WWP2: variants seen among roughly 807,000 people sequenced by gnomAD.
WWP2 encodes NEDD4-like E3 ubiquitin-protein ligase WWP2.
Under a neutral mutation model 121.0 loss-of-function variants are expected in WWP2, and 57 were observed. That is an observed-to-expected ratio of 0.47 (90% CI 0.38 to 0.59). The LOEUF is 0.59. Among genes scored for constraint, WWP2 ranks in the 20% least tolerant of loss-of-function variants. The probability of loss-of-function intolerance (pLI) is 0.00; values close to 1 mark genes in which losing one functional copy is unlikely to be tolerated. For missense variants in WWP2, 962 were observed against 1,158.9 expected, an observed-to-expected ratio of 0.83 and a Z score of 2.47; for synonymous variants, 449 against 441.3, an observed-to-expected ratio of 1.02 and a Z score of -0.22.
chr16:69,779,280 T>C (rs2151782225), intron 1 of WWP2, among the ~76,000 whole-genome samples: 1 of 151,762 alleles, frequency 6.6e-6, no homozygotes, highest in East Asian at 2.0e-4. Flanking sequence ...TATGCATCAA[T>C]TGGAAAGGTT....
chr16:69,885,145 T>A, intron 7 of WWP2, among the ~76,000 whole-genome samples: 1 of 120,388 alleles, frequency 8.3e-6, no homozygotes, highest in Admixed American at 8.3e-5. Context: ...ACACACATTC[T>A]TCTTCTTTAG....
intron 4 of WWP2, among the ~76,000 whole-genome samples, chr16:69,832,549 T>C (rs2056812566): frequency 2.0e-5 from 3 of 152,196 alleles, no homozygotes; most frequent in Admixed American, 2.0e-4. Context: ...AAAAAATTTT[T>C]AATGTTTTTT....
At chr16:69,908,905 C>T in intron 9 of WWP2, 55 bp downstream of exon 9, 1 of 1,612,124 alleles carries the variant, frequency 6.2e-7, no homozygotes, top group Non-Finnish European at 8.5e-7. Context: ...ATGAGTCACC[C>T]AATGGCTTCT....
chr16:69,831,357 C>T (rs1033781806), intron 4 of WWP2, among the ~76,000 whole-genome samples: 15 of 152,104 alleles, frequency 9.9e-5, no homozygotes, highest in Non-Finnish European at 2.1e-4. Context: ...AAAGTTCTTT[C>T]GTACATTTGC....
At chr16:69,900,714 G>T (rs1049241144) in intron 8 of WWP2, among the ~76,000 whole-genome samples, 1 of 152,174 alleles carries the variant, frequency 6.6e-6, no homozygotes, top group African/African-American at 2.4e-5. Context: ...AGTAGAGACG[G>T]GGTTTCACCA....
rs1171715711 is a variant in WWP2 at position 69,863,633 on chromosome 16, T to A, written c.576-8171T>A. Among the ~76,000 whole-genome samples, 3 of 152,034 alleles carry A rather than the reference T, an allele frequency of 2.0e-5. No homozygotes were observed. The East Asian group carries it at 5.8e-4, about 29-fold the overall frequency. On this transcript the variant is annotated intron_variant, in intron 6 of 23. Coordinates refer to ENST00000359154, the MANE Select transcript of WWP2 (RefSeq NM_001270454.2). ...TCCAGCCTGGGTGAAAGAGTGAAAC[T>A]CCGTCTCAAAAACAAACAAAGAAAC...
At chr16:69,861,615 C>G (rs900260443) in intron 6 of WWP2, among the ~76,000 whole-genome samples, 2 of 149,700 alleles carry the variant, frequency 1.3e-5, no homozygotes, top group South Asian at 2.1e-4. Context: ...GTGCCTTTCC[C>G]GGTTCACTTC....
intron 2 of WWP2, among the ~76,000 whole-genome samples, chr16:69,794,948 C>G (rs1252199211): frequency 6.6e-6 from 1 of 152,130 alleles, no homozygotes; most frequent in Non-Finnish European, 1.5e-5. Flanking sequence ...TGGGCAGTAG[C>G]TCATGTTTGT....
chr16:69,840,696 A>G (rs1187424770), intron 5 of WWP2, among the ~76,000 whole-genome samples: 1 of 152,202 alleles, frequency 6.6e-6, no homozygotes, highest in Non-Finnish European at 1.5e-5. Flanking sequence ...CAGACAGAGC[A>G]GGGAATTTGG....
intron 2 of WWP2, among the ~76,000 whole-genome samples, chr16:69,797,262 A>G (rs74029466): frequency 0.063 from 9,643 of 152,276 alleles, 995 homozygotes; most frequent in African/African-American, 0.22. Flanking sequence ...AGAAATGTAG[A>G]TGACTAACGA....
At chr16:69,798,945 G>A (rs1393074317) in intron 3 of WWP2, 116 bp downstream of exon 3, 1 of 1,457,226 alleles carries the variant, frequency 6.9e-7, no homozygotes, top group African/African-American at 1.4e-5. Flanking sequence ...TTCTACCTAT[G>A]GTACCCAAGG....
rs2058856406 is a variant in WWP2, at chr16:69,939,896, C to T, written c.2569C>T (p.Leu857=). 1 of 1,614,010 alleles carries T rather than the reference C, an allele frequency of 6.2e-7. No homozygotes were observed. The highest frequency in any genetic ancestry group is 8.5e-7 in the Non-Finnish European group (1 of 1,179,938). Residue 857 remains leucine (L), a synonymous_variant, in exon 24 of 24, where the codon CTG becomes TTG. Transcript: ENST00000359154. ...GAGCTACGAACAGCTGAGAGAGAAG[C>T]TGCTGTATGCCATTGAGGAGACCGA... ...YKSYEQLREK[L]LYAIEETEGF...
At position 69,939,879 on chromosome 16, in the gene WWP2, A is replaced by C; in HGVS notation, c.2552A>C (p.Glu851Ala). 1 of 1,614,010 alleles carries C rather than the reference A, an allele frequency of 6.2e-7. No individual in the cohort carries two copies. Among genetic ancestry groups the C allele is most frequent in the South Asian group, 1.1e-5 (1 of 91,070 alleles). Residue 851 changes from glutamate (E) to alanine (A), a missense_variant, in exon 24 of 24, where the codon GAA (glutamate) becomes GCA (alanine). Physicochemically the swap from Glu to Ala is moderately radical, Grantham distance 107. This residue lies in a region of WWP2 where 606 missense variants were observed against 772.6 expected (regional missense o/e 0.78). Coordinates refer to ENST00000359154, the MANE Select transcript of WWP2 (RefSeq NM_001270454.2). ...RLDLPPYKSY[E>A]QLREKLLYAI... Reference sequence around the variant, plus strand: ...GATCTTCCACCCTACAAGAGCTACGAACAGCTGAGAGAGAAGCTGCTGTAT... The same window carrying C: ...GATCTTCCACCCTACAAGAGCTACGCACAGCTGAGAGAGAAGCTGCTGTAT...
intron 9 of WWP2, among the ~76,000 whole-genome samples, chr16:69,913,643 A>G (rs1453856044): frequency 6.6e-6 from 1 of 152,178 alleles, no homozygotes; most frequent in Non-Finnish European, 1.5e-5. Context: ...TGATATCCTC[A>G]AAGATTTGGG....
At position 69,908,711 on chromosome 16, in the gene WWP2, C is replaced by T. The variant is rs546406245; in HGVS notation, c.915-50C>T. The T allele has an allele frequency of 1.0e-4, 163 of 1,610,962 alleles. 1 individual carries two copies. The South Asian group carries it at 1.8e-3, about 17-fold the overall frequency. Reference sequence around the variant, plus strand: ...GAAGGTCTTCCTTTCTAACAGGGGCCTATGCCTTTCCACTGTGTGTCTCAT... The same window carrying T: ...GAAGGTCTTCCTTTCTAACAGGGGCTTATGCCTTTCCACTGTGTGTCTCAT... On this transcript the variant is annotated intron_variant, in intron 8 of 23. Transcript: ENST00000359154.
chr16:69,837,650 GA>G (rs552721717), intron 4 of WWP2, among the ~76,000 whole-genome samples: 15 of 151,654 alleles, frequency 9.9e-5, no homozygotes, highest in East Asian at 9.7e-4. Context: ...CAGGAAGGAG[GA>G]AAAAAAAGTG....
chr16:69,888,473 C>T (rs2057967784), intron 8 of WWP2, among the ~76,000 whole-genome samples: 1 of 152,158 alleles, frequency 6.6e-6, no homozygotes, highest in Admixed American at 6.5e-5. Flanking sequence ...TGTACTGTGA[C>T]TTGAAATGAA....
At chr16:69,784,363 G>A (rs2055737298) in intron 1 of WWP2, among the ~76,000 whole-genome samples, 1 of 152,108 alleles carries the variant, frequency 6.6e-6, no homozygotes, top group African/African-American at 2.4e-5. Flanking sequence ...GCCTCCCAGA[G>A]CGCTGGGAAT....
intron 4 of WWP2, among the ~76,000 whole-genome samples, chr16:69,836,738 C>T (rs896895246): frequency 1.1e-4 from 17 of 152,174 alleles, no homozygotes; most frequent in African/African-American, 4.1e-4. Context: ...CTTCAGCCTC[C>T]CAGGTAGTGG....
Sources: allele counts gnomAD v4.1 joint callset (sites outside exome capture counted in the v4.1 genomes callset), GRCh38; gene constraint gnomAD v4.1.1; regional missense constraint gnomAD v4.1.1; transcripts MANE v1.5; gene names NCBI Gene and HGNC (gene_info 2026-07-23, HGNC 2026-07-21).